The following SLC25A48 variants were observed in gnomAD, a reference collection of about 807,000 sequenced individuals.
The protein encoded by SLC25A48 is CTC-321K16.1.
A neutral mutation model predicts 32.2 loss-of-function variants in SLC25A48; 29 were observed. The ratio of observed to expected loss-of-function variants is 0.90; its 90% confidence interval spans 0.67 to 1.23. The LOEUF is 1.23. SLC25A48 is among the 50% of genes most tolerant of loss of function. The pLI is 0.00. For synonymous variants in SLC25A48, 164 were observed against 172.3 expected (o/e 0.95, Z 0.38); for missense variants, 399 against 422.7 (o/e 0.94, Z 0.49).
rs61304478 is a variant in SLC25A48 at position 135,691,043 on chromosome 5, G to A, written c.-521+56087G>A. Among the ~76,000 whole-genome samples the A allele has an allele frequency of 4.8e-3, 724 of 152,152 alleles. 4 individuals are homozygous for A. The highest frequency in any genetic ancestry group is 0.024 in the Middle Eastern group (7 of 294). ...CTTGTCGTTTAAGAAAAGATGCCAC[G>A]AGTGAAATCAATGAATTAAGGATTT... On this transcript the variant is annotated intron_variant, in intron 3 of 10. Coordinates refer to the SLC25A48 transcript ENST00000646290.
chr5:135,695,299 GTGCTTTTTA>G (rs72013997), intron 3 of SLC25A48, among the ~76,000 whole-genome samples: 117,161 of 151,632 alleles, frequency 0.77, 45,794 homozygotes, highest in Middle Eastern at 0.87. Flanking sequence ...TGAAATTCTT[GTGCTTTTTA>G]TGTTTTTCTT....
intron 3 of SLC25A48, among the ~76,000 whole-genome samples, chr5:135,672,281 G>T (rs1445054871): frequency 2.6e-5 from 4 of 152,132 alleles, no homozygotes; most frequent in Non-Finnish European, 5.9e-5. Flanking sequence ...ATGAAAGGAG[G>T]TAATGTGGGT....
chr5:135,817,400 CT>C (rs1410273796), intron 4 of SLC25A48, among the ~76,000 whole-genome samples: 31 of 152,300 alleles, frequency 2.0e-4, no homozygotes, highest in African/African-American at 7.0e-4. Flanking sequence ...ATGTATATTA[CT>C]GATTTTTGAC....
At chr5:135,794,322 A>T (rs963826610) in intron 3 of SLC25A48, among the ~76,000 whole-genome samples, 2 of 151,660 alleles carry the variant, frequency 1.3e-5, no homozygotes, top group South Asian at 4.2e-4. Flanking sequence ...GGGTGAGAGG[A>T]TAGTATTACT....
intron 3 of SLC25A48, among the ~76,000 whole-genome samples, chr5:135,643,157 A>T (rs1489215779): frequency 6.6e-6 from 1 of 152,184 alleles, no homozygotes; most frequent in Non-Finnish European, 1.5e-5. Flanking sequence ...GACACGATGT[A>T]TTGTTCTGAA....
At chr5:135,708,818 G>A (rs1196184501) in intron 3 of SLC25A48, among the ~76,000 whole-genome samples, 2 of 152,206 alleles carry the variant, frequency 1.3e-5, no homozygotes, top group East Asian at 3.9e-4. Flanking sequence ...GAGCGAGTGA[G>A]TGAGTACCAT....
intron 3 of SLC25A48, among the ~76,000 whole-genome samples, chr5:135,732,523 A>G (rs1176645766): frequency 1.3e-5 from 2 of 152,056 alleles, no homozygotes; most frequent in Non-Finnish European, 2.9e-5. Flanking sequence ...ATGTGTAGGG[A>G]ATGGAGGGAG....
At chr5:135,722,564 G>T (rs1292378911) in intron 3 of SLC25A48, among the ~76,000 whole-genome samples, 1 of 152,248 alleles carries the variant, frequency 6.6e-6, no homozygotes, top group Non-Finnish European at 1.5e-5. Context: ...CTACTGTGAT[G>T]TGTGGCCTTG....
chr5:135,745,145 G>A lies in SLC25A48; in HGVS notation c.-520-67378G>A, dbSNP rs75578570. 9.5e-3 allele frequency among the ~76,000 whole-genome samples: 1,449 copies of A among 152,322 alleles called. 30 individuals carry two copies. Among genetic ancestry groups the A allele is most frequent in the African/African-American group, 0.033 (1,361 of 41,558 alleles). ...GGGGGCTGACAGCCTTCAGACCTGAGAGCCCCGAACAGAGTTTGACCCACA... is the reference window on the plus strand; with the variant it reads ...GGGGGCTGACAGCCTTCAGACCTGAAAGCCCCGAACAGAGTTTGACCCACA... On this transcript the variant is annotated intron_variant, in intron 3 of 10. Transcript: ENST00000646290.
In SLC25A48 at chr5:135,846,599, T is replaced by C. The variant is rs562296856; in HGVS notation, c.91-3826T>C. Among the ~76,000 whole-genome samples the C allele has an allele frequency of 2.2e-3, 337 of 152,238 alleles. 1 individual carries two copies. Among genetic ancestry groups the C allele is most frequent in the African/African-American group, 7.9e-3 (327 of 41,532 alleles). ...CCTTGGGTTTTCAGCTCTGGGATGC[T>C]GAGAGGTTCCAATGGGAGAGAAACC... On this transcript the variant is annotated intron_variant, in intron 2 of 7. Transcript: ENST00000681962.
intron 3 of SLC25A48, among the ~76,000 whole-genome samples, chr5:135,751,696 T>C (rs1284726825): frequency 2.6e-5 from 4 of 151,996 alleles, no homozygotes; most frequent in Non-Finnish European, 4.4e-5. Flanking sequence ...TAACTGGGCA[T>C]GGTGGTGCGT....
chr5:135,591,842 C>T (rs1751535115), intron 1 of SLC25A48, among the ~76,000 whole-genome samples: 1 of 152,190 alleles, frequency 6.6e-6, no homozygotes. Flanking sequence ...CTTTTAGTCT[C>T]TCTCTCCTTG....
intron 2 of SLC25A48, among the ~76,000 whole-genome samples, chr5:135,848,550 C>T (rs1430173534): frequency 6.6e-6 from 1 of 152,222 alleles, no homozygotes; most frequent in African/African-American, 2.4e-5. Flanking sequence ...TCACCCAGCT[C>T]TTCTTATCCT....
intron 4 of SLC25A48, among the ~76,000 whole-genome samples, chr5:135,856,060 G>A (rs1017931090): frequency 6.6e-6 from 1 of 152,232 alleles, no homozygotes; most frequent in Admixed American, 6.5e-5. Flanking sequence ...AGCAGAGAGA[G>A]TGCCGGCTTT....
chr5:135,691,492 A>G (rs1754142300), intron 3 of SLC25A48, among the ~76,000 whole-genome samples: 1 of 152,162 alleles, frequency 6.6e-6, no homozygotes, highest in Non-Finnish European at 1.5e-5. Flanking sequence ...CAGGCACTGC[A>G]TGGGGCATCT....
At chr5:135,766,558 T>G (rs1240340035) in intron 3 of SLC25A48, among the ~76,000 whole-genome samples, 1 of 151,262 alleles carries the variant, frequency 6.6e-6, no homozygotes, top group Non-Finnish European at 1.5e-5. Flanking sequence ...ATATGGTTCA[T>G]AATATTTAAA....
intron 3 of SLC25A48, among the ~76,000 whole-genome samples, chr5:135,727,877 C>T (rs576090937): frequency 5.9e-5 from 9 of 152,058 alleles, no homozygotes; most frequent in East Asian, 1.9e-4. Flanking sequence ...GTTTCTTTGC[C>T]GTTCCAAATT....
At chr5:135,780,895 A>G (rs188804373) in intron 3 of SLC25A48, among the ~76,000 whole-genome samples, 2 of 116,476 alleles carry the variant, frequency 1.7e-5, no homozygotes, top group East Asian at 4.3e-4. Flanking sequence ...ATTACTCCCA[A>G]TATTCCAGGG....
At chr5:135,659,866 T>G (rs1370057604) in intron 3 of SLC25A48, among the ~76,000 whole-genome samples, 2 of 152,192 alleles carry the variant, frequency 1.3e-5, no homozygotes, top group Non-Finnish European at 2.9e-5. Context: ...ACTCAACTCA[T>G]TATCACAAGA....
Sources: allele counts gnomAD v4.1 joint callset (sites outside exome capture counted in the v4.1 genomes callset), GRCh38; gene constraint gnomAD v4.1.1; transcripts MANE v1.5; gene names NCBI Gene and HGNC (gene_info 2026-07-23, HGNC 2026-07-21).